ABCA9: variants seen among roughly 807,000 people sequenced by gnomAD.
ABCA9 encodes the protein ATP-binding cassette sub-family A member 9.
A neutral mutation model predicts 205.3 loss-of-function variants in ABCA9; 183 were observed. The ratio of observed to expected loss-of-function variants is 0.89; its 90% CI spans 0.79 to 1.01. The LOEUF (loss-of-function observed/expected upper bound fraction) is 1.01. Among genes scored for constraint, ABCA9 ranks in the 50% least tolerant of loss-of-function variants. ABCA9 has a pLI of 0.00. For missense variants in ABCA9, 1,805 were observed against 1,912.4 expected, an observed-to-expected ratio of 0.94 and a Z score of 1.05; for synonymous variants, 651 against 683.3, an observed-to-expected ratio of 0.95 and a Z score of 0.74.
At chr17:69,063,864 G>A (rs1185363653), upstream of ABCA9, among the ~76,000 whole-genome samples, 1 of 152,144 alleles carries the variant, frequency 6.6e-6, no homozygotes. Context: ...GAGCCACCGC[G>A]CCTGGCCCTC....
intron 4 of ABCA9, 70 bp from the exon 5 acceptor site, chr17:69,044,670 A>G: frequency 1.5e-6 from 2 of 1,344,440 alleles, no homozygotes; most frequent in Middle Eastern, 1.8e-4. Flanking sequence ...ACAAAATTTC[A>G]AATGTTTCAA....
intron 25 of ABCA9, among the ~76,000 whole-genome samples, chr17:69,005,762 C>T (rs1567934761): frequency 6.6e-6 from 1 of 151,602 alleles, no homozygotes; most frequent in Non-Finnish European, 1.5e-5. Flanking sequence ...TTTTTTTTTC[C>T]AACTAATCTT....
At chr17:68,987,888 C>T (rs2069298994) in intron 31 of ABCA9, among the ~76,000 whole-genome samples, 1 of 152,084 alleles carries the variant, frequency 6.6e-6, no homozygotes, top group Non-Finnish European at 1.5e-5. Flanking sequence ...CCTCAGTCTC[C>T]CGAGGAGCTG....
In ABCA9 at chr17:69,049,432, T is replaced by C; in HGVS notation, c.155A>G (p.His52Arg). The C allele has an allele frequency of 6.2e-7, 1 of 1,613,186 alleles. No homozygotes were observed. Among genetic ancestry groups the C allele is most frequent in the Non-Finnish European group, 8.5e-7 (1 of 1,179,480 alleles). The change falls in exon 3 of 39, where the codon CAT (histidine) becomes CGT (arginine). Residue 52 changes from histidine to arginine, a missense_variant. By Grantham distance (29) the His-to-Arg change is conservative. Transcript: ENST00000340001. Reference sequence around the variant, plus strand: ...CATTTGAGGAGTGTCATGAACTTGATGTAAATTGGAGAAAAATAGGTACAG... The same window carrying C: ...CATTTGAGGAGTGTCATGAACTTGACGTAAATTGGAGAAAAATAGGTACAG... Reference protein sequence around the residue: ...LFLYLFFSNLHQVHDTPQMSS... With the variant: ...LFLYLFFSNLRQVHDTPQMSS...
At chr17:69,041,599 G>A (rs1461789808) in intron 6 of ABCA9, among the ~76,000 whole-genome samples, 1 of 152,076 alleles carries the variant, frequency 6.6e-6, no homozygotes, top group Non-Finnish European at 1.5e-5. Context: ...AACTACTAGG[G>A]AGGTTGAGGC....
At chr17:68,978,716 T>C (rs184912202) in intron 37 of ABCA9, among the ~76,000 whole-genome samples, 52 of 152,312 alleles carry the variant, frequency 3.4e-4, no homozygotes, top group Non-Finnish European at 5.7e-4. Flanking sequence ...TTATTTCTCC[T>C]TCACTTATGA....
chr17:69,065,128 G>C (rs2072333477), upstream of ABCA9, among the ~76,000 whole-genome samples: 1 of 151,996 alleles, frequency 6.6e-6, no homozygotes, highest in Admixed American at 6.5e-5. Flanking sequence ...TTTCATGACA[G>C]TGTGCTCAGG....
At chr17:69,064,145 T>C (rs2072318289), upstream of ABCA9, among the ~76,000 whole-genome samples, 1 of 152,234 alleles carries the variant, frequency 6.6e-6, no homozygotes, top group East Asian at 1.9e-4. Context: ...CCCAATCCTT[T>C]TCTTCCAGTC....
intron 25 of ABCA9, 59 bp downstream of exon 25, chr17:69,007,700 A>T: frequency 1.8e-6 from 2 of 1,117,036 alleles, no homozygotes; most frequent in Non-Finnish European, 1.3e-6. Context: ...CACAAAGATT[A>T]AACATGTTCT....
At chr17:68,995,828 C>T (rs542614923) in intron 26 of ABCA9, 67 bp downstream of exon 26, 5 of 1,581,414 alleles carry the variant, frequency 3.2e-6, no homozygotes, top group African/African-American at 1.4e-5. Context: ...TATATTTTTG[C>T]AATATTCATG....
At chr17:69,049,163 T>A in intron 3 of ABCA9, 120 bp downstream of exon 3, 1 of 1,126,972 alleles carries the variant, frequency 8.9e-7, no homozygotes, top group East Asian at 2.5e-5. Flanking sequence ...GGAATATACG[T>A]TAATGTTGTT....
chr17:68,986,277 C>A lies in ABCA9; in HGVS notation c.4095G>T (p.Gly1365=). The A allele has an allele frequency of 6.2e-7, 1 of 1,613,574 alleles. No homozygotes were observed. Among genetic ancestry groups the A allele is most frequent in the Non-Finnish European group, 8.5e-7 (1 of 1,179,732 alleles). The change falls in exon 32 of 39, where the codon GGG becomes GGT. Residue 1365 remains glycine, a synonymous_variant. Transcript: ENST00000340001. The part of the protein sequence containing the change: ...SGGGEPLGFL[G]YCPQENALWP... ...ACAGCGCATTCTCCTGAGGGCAGTA[C>A]CCCAGGAAGCCCAGGGGTTCCCCTC...
intron 21 of ABCA9, among the ~76,000 whole-genome samples, chr17:69,016,934 T>C (rs1658994048): frequency 6.6e-6 from 1 of 152,074 alleles, no homozygotes; most frequent in Non-Finnish European, 1.5e-5. Context: ...TTGCCCAAAA[T>C]GTGGGCAAGC....
upstream of ABCA9, among the ~76,000 whole-genome samples, chr17:69,065,877 G>GT (rs2072344195): frequency 6.6e-6 from 1 of 152,102 alleles, no homozygotes. Context: ...TAGAGAGTGA[G>GT]TTCTCATAAG....
chr17:69,012,764 T>TAAGTA (rs1192608470), intron 22 of ABCA9, among the ~76,000 whole-genome samples: 1 of 152,178 alleles, frequency 6.6e-6, no homozygotes, highest in Admixed American at 6.5e-5. Flanking sequence ...TAGTTATTTT[T>TAAGTA]AAGTATATGA....
At position 69,020,515 on chromosome 17, in the gene ABCA9, C is replaced by T. The variant is rs779867450; in HGVS notation, c.2473G>A (p.Val825Ile). The change falls in exon 19 of 39, where the codon GTT becomes ATT. Residue 825 changes from valine to isoleucine, a missense_variant. Coordinates refer to ENST00000340001, the MANE Select transcript of ABCA9 (RefSeq NM_080283.4). ...CTTGTTTCGTGGAAGGAAGACAAAACTTGTTCCAGCTCAACAAGGCTTCCT... is the reference window on the plus strand; with the variant it reads ...CTTGTTTCGTGGAAGGAAGACAAAATTTGTTCCAGCTCAACAAGGCTTCCT... Reference protein sequence around the residue: ...DIGSLVELEQVLSSFHETRKT... With the variant: ...DIGSLVELEQILSSFHETRKT... 4.3e-6 allele frequency: 7 copies of T among 1,614,118 alleles called. No homozygotes were observed. Among genetic ancestry groups the T allele is most frequent in the Non-Finnish European group, 2.5e-6 (3 of 1,179,974 alleles).
In ABCA9 at chr17:68,981,835, C is replaced by CAAA. The variant is rs398041827; in HGVS notation, c.4720+724_4720+726dup. ...CTGGCGACAAAGGAAAACTCTTTCT[C>CAAA]AAAAAAAAAAAAAAAAAAAAAAAAA... On this transcript the variant is annotated intron_variant, in intron 37 of 38. Transcript: ENST00000340001. 9.1e-3 allele frequency among the ~76,000 whole-genome samples: 458 copies of CAAA among 50,538 alleles called. 4 individuals are homozygous for CAAA. Among genetic ancestry groups the CAAA allele is most frequent in the African/African-American group, 9.7e-3 (107 of 11,036 alleles). 33.2% of individuals were successfully genotyped at this position (50,538 alleles called of 152,430 possible).
intron 1 of ABCA9, among the ~76,000 whole-genome samples, chr17:69,054,513 T>G (rs1261417244): frequency 4.3e-5 from 6 of 141,032 alleles, no homozygotes; most frequent in Non-Finnish European, 9.1e-5. Flanking sequence ...GGGCAAAGAG[T>G]GAGACCCTCT....
At chr17:68,997,541 C>T (rs1282634046) in intron 25 of ABCA9, among the ~76,000 whole-genome samples, 2 of 149,694 alleles carry the variant, frequency 1.3e-5, no homozygotes, top group Non-Finnish European at 3.0e-5. Flanking sequence ...TAATTTTAAC[C>T]CTAAGTGGTT....
Sources: allele counts gnomAD v4.1 joint callset (sites outside exome capture counted in the v4.1 genomes callset), GRCh38; gene constraint gnomAD v4.1.1; transcripts MANE v1.5; gene names NCBI Gene and HGNC (gene_info 2026-07-23, HGNC 2026-07-21).